DNAJB6: variants seen among roughly 807,000 people sequenced by gnomAD.
The protein encoded by DNAJB6 is dnaJ homolog subfamily B member 6.
A neutral mutation model predicts 42.7 loss-of-function variants in DNAJB6; 16 were observed. The observed-to-expected ratio is 0.37, with a 90% CI of 0.25 to 0.57. The LOEUF (loss-of-function observed/expected upper bound fraction) is 0.57. Ranked by LOEUF, DNAJB6 falls within the 20% of genes least tolerant of loss-of-function variation. The pLI, the probability that DNAJB6 is intolerant of heterozygous loss-of-function variation, is 0.74. For missense variants in DNAJB6, 347 were observed against 416.8 expected (o/e 0.83, Z 1.46); for synonymous variants, 170 against 163.5 (o/e 1.04, Z -0.30).
intron 3 of DNAJB6, among the ~76,000 whole-genome samples, 153 bp from the exon 4 acceptor site, chr7:157,366,349 T>TG (rs1429031605): frequency 6.6e-6 from 1 of 152,240 alleles, no homozygotes; most frequent in Admixed American, 6.5e-5. Context: ...TTTTCCCTGT[T>TG]GCTTTGTTTT....
chr7:157,350,162 A>G (rs1030960407), intron 1 of DNAJB6, among the ~76,000 whole-genome samples: 9 of 152,070 alleles, frequency 5.9e-5, no homozygotes, highest in African/African-American at 1.9e-4. Context: ...GGGTCTTGTT[A>G]TCTTTTGTTG....
At chr7:157,353,697 T>G (rs1329347737) in intron 1 of DNAJB6, among the ~76,000 whole-genome samples, 2 of 151,934 alleles carry the variant, frequency 1.3e-5, no homozygotes, top group African/African-American at 4.8e-5. Flanking sequence ...TCTCGTTCTG[T>G]TGCCTGTGCT....
intron 1 of DNAJB6, among the ~76,000 whole-genome samples, chr7:157,352,461 T>C (rs571161268): frequency 5.5e-4 from 84 of 152,150 alleles, no homozygotes; most frequent in East Asian, 3.9e-4. Flanking sequence ...TGAATATTTA[T>C]TCAGTTGAAT....
chr7:157,338,955 C>T (rs899721371), intron 1 of DNAJB6, among the ~76,000 whole-genome samples: 4 of 152,172 alleles, frequency 2.6e-5, no homozygotes, highest in Non-Finnish European at 5.9e-5. Context: ...GAGATGAGTT[C>T]AGCACTCTCT....
chr7:157,416,718 G>T lies in DNAJB6; in HGVS notation c.*620G>T, dbSNP rs1796113880. On this transcript the variant is annotated 3_prime_UTR_variant, in exon 10 of 10. Transcript: ENST00000262177. ...GTGCAAATTCAACTTCAAATATGGT[G>T]TAGGTTTTGCTAGATTCCATATTTT... 6.6e-6 allele frequency: 1 copy of T among 152,156 alleles called. No homozygotes were observed. Among genetic ancestry groups the T allele is most frequent in the Non-Finnish European group, 1.5e-5 (1 of 68,052 alleles). 9.4% of individuals were successfully genotyped at this position (152,156 alleles called of 1,614,324 possible). A position where few individuals can be genotyped will look rare whatever the true frequency, so the allele number is the denominator to read the frequency against.
intron 8 of DNAJB6, among the ~76,000 whole-genome samples, chr7:157,392,670 G>A (rs150014248): frequency 2.0e-4 from 31 of 152,312 alleles, no homozygotes; most frequent in African/African-American, 6.7e-4. Flanking sequence ...TTCTAGGCCA[G>A]TCTTCGTCGT....
chr7:157,361,841 T>G (rs1799617663), intron 2 of DNAJB6, among the ~76,000 whole-genome samples: 1 of 152,252 alleles, frequency 6.6e-6, no homozygotes, highest in Non-Finnish European at 1.5e-5. Flanking sequence ...CGATGTTGGC[T>G]CACTGCAACC....
At chr7:157,371,031 C>T (rs1015167517) in intron 5 of DNAJB6, among the ~76,000 whole-genome samples, 1 of 152,076 alleles carries the variant, frequency 6.6e-6, no homozygotes, top group Non-Finnish European at 1.5e-5. Context: ...CTGCCTGAGC[C>T]CCACCTCCTA....
intron 8 of DNAJB6, among the ~76,000 whole-genome samples, chr7:157,399,836 C>T (rs2117162631): frequency 6.6e-6 from 1 of 152,106 alleles, no homozygotes; most frequent in African/African-American, 2.4e-5. Flanking sequence ...CCCTGGCTAA[C>T]TTTTGTATTT....
At chr7:157,366,742 C>G (rs1346857380) in intron 4 of DNAJB6, among the ~76,000 whole-genome samples, 181 bp downstream of exon 4, 8 of 152,052 alleles carry the variant, frequency 5.3e-5, no homozygotes, top group African/African-American at 1.9e-4. Context: ...TTTTACGAGA[C>G]TAGAAGTATA....
chr7:157,401,378 G>A (rs530527569), intron 8 of DNAJB6, among the ~76,000 whole-genome samples: 7 of 152,066 alleles, frequency 4.6e-5, no homozygotes, highest in Admixed American at 6.5e-5. Context: ...ACCACACCCC[G>A]CTAATTTTGT....
At chr7:157,348,521 T>A (rs762899285) in intron 1 of DNAJB6, among the ~76,000 whole-genome samples, 1 of 152,212 alleles carries the variant, frequency 6.6e-6, no homozygotes, top group Non-Finnish European at 1.5e-5. Flanking sequence ...CTAAACAGTT[T>A]CCTAAATAGC....
intron 1 of DNAJB6, among the ~76,000 whole-genome samples, chr7:157,358,238 G>A (rs1215276447): frequency 6.6e-6 from 1 of 152,212 alleles, no homozygotes; most frequent in African/African-American, 2.4e-5. Flanking sequence ...GACAGACTTT[G>A]TCAGCTAGTG....
chr7:157,351,229 C>G (rs1394343764), intron 1 of DNAJB6, among the ~76,000 whole-genome samples: 1 of 152,090 alleles, frequency 6.6e-6, no homozygotes, highest in Non-Finnish European at 1.5e-5. Flanking sequence ...TACTGTCTCA[C>G]TGTTTTTGTT....
chr7:157,360,366 G>A (rs967210896), intron 2 of DNAJB6, among the ~76,000 whole-genome samples: 1 of 152,160 alleles, frequency 6.6e-6, no homozygotes, highest in Non-Finnish European at 1.5e-5. Flanking sequence ...TGGGTCCCTC[G>A]CATAACACCT....
chr7:157,393,729 G>A (rs1007989515), intron 8 of DNAJB6, among the ~76,000 whole-genome samples: 2 of 152,056 alleles, frequency 1.3e-5, no homozygotes, highest in Non-Finnish European at 2.9e-5. Context: ...TTTGTAGGGT[G>A]CATGTGTGCA....
chr7:157,376,345 T>G (rs1800471320), intron 5 of DNAJB6, among the ~76,000 whole-genome samples: 2 of 151,836 alleles, frequency 1.3e-5, no homozygotes, highest in Non-Finnish European at 2.9e-5. Flanking sequence ...TATGGGCCCC[T>G]TAATGCATTG....
At chr7:157,358,890 A>G (rs1799440118) in intron 2 of DNAJB6, among the ~76,000 whole-genome samples, 1 of 152,216 alleles carries the variant, frequency 6.6e-6, no homozygotes, top group South Asian at 2.1e-4. Flanking sequence ...AGATAATCCC[A>G]AACATCTTTT....
rs114849464 is a variant in DNAJB6 at position 157,343,406 on chromosome 7, C to T, written c.-27+6262C>T. ...AACACCTCAGGTGATCTGCGTGCCT[C>T]GGCCCTCCAAAGTGCTGGGATTACA... On this transcript the variant is annotated intron_variant, in intron 1 of 9. Coordinates refer to ENST00000262177, the MANE Select transcript of DNAJB6 (RefSeq NM_058246.4). Among the ~76,000 whole-genome samples the T allele has an allele frequency of 1.7e-4, 26 of 152,228 alleles. No homozygotes were observed. In the East Asian group the frequency reaches 2.1e-3, roughly 12 times the overall value.
Sources: allele counts gnomAD v4.1 joint callset (sites outside exome capture counted in the v4.1 genomes callset), GRCh38; gene constraint gnomAD v4.1.1; transcripts MANE v1.5; gene names NCBI Gene and HGNC (gene_info 2026-07-23, HGNC 2026-07-21).